Variants in IQCH observed in about 807,000 individuals in gnomAD.
IQCH encodes IQ motif containing H, also known as IQ domain-containing protein H.
In IQCH, 98 loss-of-function variants were observed where a neutral mutation model predicts 117.0. The observed-to-expected ratio is 0.84, with a 90% CI of 0.71 to 0.99. The LOEUF is 0.99. IQCH is among the 50% of genes least tolerant of loss of function. The probability of loss-of-function intolerance (pLI) is 0.00; values close to 1 mark genes in which losing one functional copy is unlikely to be tolerated. For synonymous variants in IQCH, 412 were observed against 448.2 expected, an observed-to-expected ratio of 0.92 and a Z score of 1.02; for missense variants, 1,102 against 1,243.8, an observed-to-expected ratio of 0.89 and a Z score of 1.72.
In IQCH at chr15:67,466,521, G is replaced by A. The variant is rs572400029; in HGVS notation, c.2676+1224G>A. ...TTTCCAAGCGGTCTCCTGCCTCTCT[G>A]TGAACCCCTTTGGGTCCAGTCTGGA... On this transcript the variant is annotated intron_variant, in intron 17 of 20. Transcript: ENST00000335894. This position sits in a 1 kb window ranked among gnomAD's most constrained non-coding sequence, Gnocchi z 4.4. 1 of 152,300 alleles carries A rather than the reference G, an allele frequency of 6.6e-6. No homozygotes were observed. Among genetic ancestry groups the A allele is most frequent in the East Asian group, 1.9e-4 (1 of 5,184 alleles). The allele number at this position is 152,300 out of a possible 1,614,324, so 9.4% of individuals were successfully genotyped here.
At position 67,490,862 on chromosome 15, in the gene IQCH, G is replaced by A. The variant is rs915694429; in HGVS notation, c.2861+798G>A. 1.3e-5 allele frequency among the ~76,000 whole-genome samples: 2 copies of A among 152,206 alleles called. No homozygotes were observed. The highest frequency in any genetic ancestry group is 2.9e-5 in the Non-Finnish European group (2 of 68,032). ...CTGCTGGCAACACTCGGAGGCTTCC[G>A]CACTTCTCCCAGATTTCCCTCTGGG... On this transcript the variant is annotated intron_variant, in intron 19 of 20. Coordinates refer to ENST00000335894, the MANE Select transcript of IQCH (RefSeq NM_001031715.3). The surrounding 1 kb of genome is among the most constrained non-coding windows in gnomAD (Gnocchi z 4.9).
intron 17 of IQCH, among the ~76,000 whole-genome samples, chr15:67,469,771 C>G (rs1288527166): frequency 6.6e-6 from 1 of 152,198 alleles, no homozygotes; most frequent in Non-Finnish European, 1.5e-5. Flanking sequence ...ATATATTAGG[C>G]AGGTGCTGTT....
chr15:67,301,778 G>C (rs1967057457), intron 4 of IQCH, among the ~76,000 whole-genome samples: 1 of 151,998 alleles, frequency 6.6e-6, no homozygotes, highest in South Asian at 2.1e-4. Context: ...TAAATCATGT[G>C]TGCTACATAT....
chr15:67,415,736 G>A (rs2081560282), intron 14 of IQCH, among the ~76,000 whole-genome samples: 1 of 152,154 alleles, frequency 6.6e-6, no homozygotes, highest in African/African-American at 2.4e-5. Context: ...CCATCACTCA[G>A]ATTCAGAAGT....
chr15:67,266,231 A>T (rs1378356309), intron 3 of IQCH, among the ~76,000 whole-genome samples: 1 of 151,924 alleles, frequency 6.6e-6, no homozygotes, highest in Non-Finnish European at 1.5e-5. Context: ...AAGTATTTTT[A>T]AAAATTTTTA....
chr15:67,390,331 A>T lies in IQCH; in HGVS notation c.1632+1325A>T, dbSNP rs181582618. 1.3e-4 allele frequency among the ~76,000 whole-genome samples: 20 copies of T among 152,326 alleles called. No individual in the cohort carries two copies. The highest frequency in any genetic ancestry group is 7.3e-5 in the Non-Finnish European group (5 of 68,030). On this transcript the variant is annotated intron_variant, in intron 12 of 20. Transcript: ENST00000335894. The surrounding 1 kb of genome is among the most constrained non-coding windows in gnomAD (Gnocchi z 5.0). ...GTTAAATTCCTGATTTTCTCCAGCC[A>T]GAAAATTGATCTAATGGCTGCTAAC...
At chr15:67,304,272 G>T in intron 4 of IQCH, 1 of 727,254 alleles carries the variant, frequency 1.4e-6, no homozygotes, top group Non-Finnish European at 2.3e-6. Flanking sequence ...ACTCCTTTGA[G>T]GATATAAAAT....
At chr15:67,438,460 T>C (rs2082190966) in intron 16 of IQCH, among the ~76,000 whole-genome samples, 1 of 151,974 alleles carries the variant, frequency 6.6e-6, no homozygotes, top group Non-Finnish European at 1.5e-5. Flanking sequence ...AAAGCATAAA[T>C]CACACAGGAC....
chr15:67,310,751 T>G (rs1336439767), intron 4 of IQCH, among the ~76,000 whole-genome samples: 1 of 152,164 alleles, frequency 6.6e-6, no homozygotes, highest in Non-Finnish European at 1.5e-5. Context: ...GTTGCAATGT[T>G]ATTCTGTTTA....
At chr15:67,291,431 AC>A (rs1806783124) in intron 4 of IQCH, among the ~76,000 whole-genome samples, 1 of 152,160 alleles carries the variant, frequency 6.6e-6, no homozygotes, top group African/African-American at 2.4e-5. Context: ...CAGGATAAAC[AC>A]CAGCTCACCC....
At chr15:67,348,736 T>C (rs921444551) in intron 6 of IQCH, among the ~76,000 whole-genome samples, 1 of 152,208 alleles carries the variant, frequency 6.6e-6, no homozygotes, top group African/African-American at 2.4e-5. Context: ...AGGATCTCAG[T>C]AAGATTTTTT....
rs1969934657 is a variant in IQCH, at chr15:67,357,382, A to C, written c.675A>C (p.Pro225=). Residue 225 remains proline, a synonymous_variant, in exon 7 of 21, where the codon CCA becomes CCC. Transcript: ENST00000335894. ...TACCTCGGGAACCACCTCCATCTCC[A>C]GCAGAAGTGAAGTTCTTTCCCAAGA... ...FTIPREPPPS[P]AEVKFFPKKQ... 2 of 1,611,066 alleles carry C rather than the reference A, an allele frequency of 1.2e-6. No individual in the cohort carries two copies. The highest frequency in any genetic ancestry group is 4.5e-5 in the East Asian group (2 of 44,888).
intron 4 of IQCH, among the ~76,000 whole-genome samples, chr15:67,296,756 A>G (rs1287474182): frequency 1.1e-4 from 17 of 152,170 alleles, no homozygotes; most frequent in Admixed American, 9.8e-4. Flanking sequence ...AGAGATGTAA[A>G]TCAAATCCTG....
At chr15:67,336,371 T>A (rs1250189776) in intron 4 of IQCH, among the ~76,000 whole-genome samples, 3 of 152,204 alleles carry the variant, frequency 2.0e-5, no homozygotes, top group African/African-American at 7.2e-5. Context: ...ATATATGTAA[T>A]CTTTAAAATC....
chr15:67,358,580 CT>C (rs1276542911), intron 7 of IQCH, among the ~76,000 whole-genome samples: 1 of 152,104 alleles, frequency 6.6e-6, no homozygotes, highest in Non-Finnish European at 1.5e-5. Flanking sequence ...ATGTGCTGGA[CT>C]TTTGTACCTT....
intron 5 of IQCH, among the ~76,000 whole-genome samples, chr15:67,340,426 CAAAAAAAAAAAAAAAAAAA>C (rs57244130): frequency 5.9e-4 from 37 of 62,654 alleles, no homozygotes; most frequent in Admixed American, 1.7e-3. Flanking sequence ...TACTCCATCT[CAAAAAAAAAAAAAAAAAAA>C]AAAAAAAAAA....
At chr15:67,311,642 G>A (rs1967600729) in intron 4 of IQCH, among the ~76,000 whole-genome samples, 1 of 149,758 alleles carries the variant, frequency 6.7e-6, no homozygotes, top group Admixed American at 6.7e-5. Context: ...ATACATATAG[G>A]TACATAATAC....
At chr15:67,350,280 C>A (rs4261475) in intron 6 of IQCH, among the ~76,000 whole-genome samples, 1 of 152,084 alleles carries the variant, frequency 6.6e-6, no homozygotes, top group African/African-American at 2.4e-5. Flanking sequence ...AGGCTACACA[C>A]CATATGATTC....
At chr15:67,373,557 C>T (rs1970634696) in intron 10 of IQCH, 124 bp downstream of exon 10, 6 of 737,944 alleles carry the variant, frequency 8.1e-6, no homozygotes, top group South Asian at 2.9e-5. Context: ...AAAATGTTCT[C>T]GACATGATGA....
Sources: gnomAD v4.1 joint callset for allele counts (sites outside exome capture counted in the v4.1 genomes callset) on GRCh38, gnomAD v4.1.1 for gene constraint, Gnocchi (gnomAD v3.1) non-coding constraint, MANE v1.5 for transcripts, NCBI Gene and HGNC (gene_info 2026-07-23, HGNC 2026-07-21) for gene names.